Variants in B3GLCT observed in about 807,000 individuals in gnomAD.
B3GLCT encodes the protein beta-1,3-glucosyltransferase.
In B3GLCT, 65 loss-of-function variants were observed where a neutral mutation model predicts 63.4. That is an observed-to-expected ratio of 1.03 (90% CI 0.84 to 1.26). The LOEUF is 1.26. Ranked by LOEUF, B3GLCT falls within the 50% of genes most tolerant of loss-of-function variation. The pLI is 0.00. For missense variants in B3GLCT, 577 were observed against 604.8 expected (o/e 0.95, Z 0.48); for synonymous variants, 233 against 219.2 (o/e 1.06, Z -0.55).
intron 10 of B3GLCT, among the ~76,000 whole-genome samples, chr13:31,282,460 A>C (rs527871632): frequency 1.3e-5 from 2 of 152,232 alleles, no homozygotes; most frequent in East Asian, 3.9e-4. Flanking sequence ...TAACACGGTG[A>C]AACCCTGTCT....
chr13:31,317,619 T>C lies in B3GLCT; in HGVS notation c.1118T>C (p.Phe373Ser). The change falls in exon 13 of 15, where the codon TTT becomes TCT. Residue 373 changes from phenylalanine to serine, a missense_variant. Phe to Ser is a radical substitution (Grantham distance 155). Coordinates refer to ENST00000343307, the MANE Select transcript of B3GLCT (RefSeq NM_194318.4). The stretch of plus-strand genomic sequence containing the variant: ...TGTTATGACTCCGGCGAGCCTGTGT[T>C]TCTGGGAGAGCGCTACGGCTACGGC... Reference protein sequence around the residue: ...LSCYDSGEPVFLGERYGYGLG... With the variant: ...LSCYDSGEPVSLGERYGYGLG... The C allele has an allele frequency of 6.2e-7, 1 of 1,614,062 alleles. No homozygotes were observed. The highest frequency in any genetic ancestry group is 8.5e-7 in the Non-Finnish European group (1 of 1,179,976).
chr13:31,221,293 G>A (rs1869801223), intron 2 of B3GLCT, among the ~76,000 whole-genome samples: 1 of 152,214 alleles, frequency 6.6e-6, no homozygotes, highest in African/African-American at 2.4e-5. Flanking sequence ...GCAAGTGGTG[G>A]GTTGCCAGTG....
intron 4 of B3GLCT, among the ~76,000 whole-genome samples, chr13:31,243,231 T>C (rs1871038002): frequency 6.6e-6 from 1 of 152,208 alleles, no homozygotes; most frequent in African/African-American, 2.4e-5. Context: ...TAGTTTAGCA[T>C]GTAGTCTGAA....
chr13:31,259,369 A>C (rs1299277328), intron 6 of B3GLCT, among the ~76,000 whole-genome samples: 2 of 152,084 alleles, frequency 1.3e-5, no homozygotes, highest in African/African-American at 4.8e-5. Flanking sequence ...AGAAGGATTT[A>C]ATCTTCTGGG....
intron 8 of B3GLCT, among the ~76,000 whole-genome samples, chr13:31,271,594 T>C (rs1455479506): frequency 6.6e-6 from 1 of 152,238 alleles, no homozygotes; most frequent in African/African-American, 2.4e-5. Context: ...AACAGTATTA[T>C]TGTAGTCTAT....
At chr13:31,323,371 A>G (rs1220102929) in intron 13 of B3GLCT, among the ~76,000 whole-genome samples, 2 of 152,214 alleles carry the variant, frequency 1.3e-5, no homozygotes, top group Non-Finnish European at 2.9e-5. Context: ...ATGAATTTTA[A>G]ATAGTTTTGC....
At chr13:31,302,618 C>G (rs1345354363) in intron 12 of B3GLCT, among the ~76,000 whole-genome samples, 3 of 69,164 alleles carry the variant, frequency 4.3e-5, no homozygotes, top group Non-Finnish European at 9.1e-5. Context: ...GCTTTTCAGA[C>G]CGGCTTAAGA....
chr13:31,310,894 A>G (rs530961619), intron 12 of B3GLCT, among the ~76,000 whole-genome samples: 2 of 152,320 alleles, frequency 1.3e-5, no homozygotes, highest in East Asian at 1.9e-4. Context: ...CAGCCCAGCT[A>G]TGGGCTGAGC....
rs114230748 is a variant in B3GLCT at position 31,211,282 on chromosome 13, C to G, written c.71-3769C>G. Among the ~76,000 whole-genome samples, 887 of 152,222 alleles carry G rather than the reference C, an allele frequency of 5.8e-3. 9 individuals carry two copies. The highest frequency in any genetic ancestry group is 0.02 in the African/African-American group (844 of 41,534). ...TGGTGGCACGTGCCTGTAACCCCAG[C>G]TACTCGGAGGCTAAGGTAGGAGAGA... On this transcript the variant is annotated intron_variant, in intron 1 of 14. Transcript: ENST00000343307.
At chr13:31,308,455 C>T (rs980337590) in intron 12 of B3GLCT, among the ~76,000 whole-genome samples, 9 of 150,980 alleles carry the variant, frequency 6.0e-5, no homozygotes, top group Non-Finnish European at 1.3e-4. Context: ...TGGAGTCTGG[C>T]AGTCCCCCTT....
intron 10 of B3GLCT, among the ~76,000 whole-genome samples, chr13:31,279,958 G>A (rs1285359076): frequency 6.6e-6 from 1 of 152,162 alleles, no homozygotes; most frequent in Non-Finnish European, 1.5e-5. Context: ...GTGAAATATG[G>A]CTCTGTTCTG....
intron 1 of B3GLCT, among the ~76,000 whole-genome samples, chr13:31,214,637 C>G (rs1368085696): frequency 6.6e-6 from 1 of 152,224 alleles, no homozygotes; most frequent in Admixed American, 6.5e-5. Context: ...CTGCCAGGCT[C>G]TGGCAGTGAT....
intron 2 of B3GLCT, among the ~76,000 whole-genome samples, chr13:31,222,567 A>G (rs1312822326): frequency 1.3e-5 from 2 of 152,254 alleles, no homozygotes; most frequent in African/African-American, 4.8e-5. Flanking sequence ...GCCAGGTTCG[A>G]GACTATCCTC....
At chr13:31,258,577 T>A (rs547092082) in intron 6 of B3GLCT, among the ~76,000 whole-genome samples, 1 of 152,348 alleles carries the variant, frequency 6.6e-6, no homozygotes, top group East Asian at 1.9e-4. Flanking sequence ...CTTCCATTAC[T>A]GTACAAATGC....
At chr13:31,252,600 A>G (rs1380451767) in intron 6 of B3GLCT, among the ~76,000 whole-genome samples, 1 of 152,214 alleles carries the variant, frequency 6.6e-6, no homozygotes, top group Non-Finnish European at 1.5e-5. Flanking sequence ...TTAAACCAAG[A>G]AAGATCAAAA....
rs1463546504 is a variant in B3GLCT at position 31,289,012 on chromosome 13, G to A, written c.1064+2193G>A. On this transcript the variant is annotated intron_variant, in intron 12 of 14. Coordinates refer to ENST00000343307, the MANE Select transcript of B3GLCT (RefSeq NM_194318.4). ...AAAAATAAGAAAATGAATTCAAGAT[G>A]TGAATGAGAGATATACCAAGGAAAT... Among the ~76,000 whole-genome samples the A allele has an allele frequency of 2.0e-5, 3 of 152,028 alleles. No homozygotes were observed. In the East Asian group the frequency reaches 5.8e-4, roughly 29 times the overall value.
Position 31,252,411 on chromosome 13 carries a change from G to A in B3GLCT, c.459+4445G>A, listed in dbSNP as rs541117808. Among the ~76,000 whole-genome samples, 50 of 152,272 alleles carry A rather than the reference G, an allele frequency of 3.3e-4. No homozygotes were observed. The East Asian group carries it at 8.7e-3, about 26-fold the overall frequency. Reference sequence around the variant, plus strand: ...AATGGGCTAAATGCTCCAGTTAAAAGACACAGACTGGCAAATTGGATAAAG... The same window carrying A: ...AATGGGCTAAATGCTCCAGTTAAAAAACACAGACTGGCAAATTGGATAAAG... On this transcript the variant is annotated intron_variant, in intron 6 of 14. Transcript: ENST00000343307.
chr13:31,319,390 A>ATAAACTACCAGCCTAC (rs57425590), intron 13 of B3GLCT, among the ~76,000 whole-genome samples: 1 of 151,742 alleles, frequency 6.6e-6, no homozygotes. Flanking sequence ...TCTAAGAGTC[A>ATAAACTACCAGCCTAC]TAAACTCCCA....
intron 13 of B3GLCT, among the ~76,000 whole-genome samples, chr13:31,320,346 C>A (rs913023991): frequency 6.6e-6 from 1 of 152,130 alleles, no homozygotes; most frequent in Non-Finnish European, 1.5e-5. Context: ...TACCAGCCTC[C>A]CTGGGTGTTG....
Sources: gnomAD v4.1 joint callset for allele counts (sites outside exome capture counted in the v4.1 genomes callset) on GRCh38, gnomAD v4.1.1 for gene constraint, MANE v1.5 for transcripts, NCBI Gene and HGNC (gene_info 2026-07-23, HGNC 2026-07-21) for gene names.